Variants in INO80 observed in about 807,000 individuals in gnomAD.
The protein encoded by INO80 is INO80 complex ATPase subunit.
Under a neutral mutation model 203.4 loss-of-function variants are expected in INO80, and 20 were observed. The ratio of observed to expected loss-of-function variants is 0.10; its 90% CI spans 0.07 to 0.14. The LOEUF is 0.14. Ranked by LOEUF, INO80 falls within the 10% of genes least tolerant of loss-of-function variation. The pLI, the probability that INO80 is intolerant of heterozygous loss-of-function variation, is 1.00. For missense variants in INO80, 1,419 were observed against 1,914.4 expected (o/e 0.74, Z 4.83); for synonymous variants, 726 against 685.2 (o/e 1.06, Z -0.93).
Position 41,070,470 on chromosome 15 carries a change from A to T in INO80, c.1683T>A (p.Ala561=). The T allele has an allele frequency of 6.2e-7, 1 of 1,613,124 alleles. No homozygotes were observed. The highest frequency in any genetic ancestry group is 8.5e-7 in the Non-Finnish European group (1 of 1,179,096). Residue 561 remains alanine (A), a synonymous_variant, in exon 13 of 36, where the codon GCT becomes GCA. Coordinates refer to ENST00000648947, the MANE Select transcript of INO80 (RefSeq NM_017553.3). ...VQSIALLAHL[A]ERENIWGPFL... ...TAGAAAGATTGCATCTACCCACCTC[A>T]GCCAGATGGGCCAGAAGGGCAATGC...
At chr15:40,998,145 C>G (rs113224227) in intron 28 of INO80, among the ~76,000 whole-genome samples, 2,472 of 151,482 alleles carry the variant, frequency 0.016, 37 homozygotes, top group Middle Eastern at 0.031. Flanking sequence ...CCTCAGCCTC[C>G]CAAGTAGCTG....
rs1352601794 is a variant in INO80 at position 41,095,592 on chromosome 15, A to C, written c.381+9T>G. On this transcript the variant is annotated intron_variant, in intron 4 of 35. Transcript: ENST00000648947. ...ATCTGCACTGTAAACACCCTGCTTTATCTCTTACCTTTAGCCACTTTCTGC... is the reference window on the plus strand; with the variant it reads ...ATCTGCACTGTAAACACCCTGCTTTCTCTCTTACCTTTAGCCACTTTCTGC... 2 of 1,595,880 alleles carry C rather than the reference A, an allele frequency of 1.3e-6. No homozygotes were observed. Among genetic ancestry groups the C allele is most frequent in the Non-Finnish European group, 1.7e-6 (2 of 1,164,192 alleles).
Position 41,072,078 on chromosome 15 carries a change from AAAAT to A in INO80, c.1396-24_1396-21del. 1 of 1,465,894 alleles carries A rather than the reference AAAAT, an allele frequency of 6.8e-7. No individual in the cohort carries two copies. The highest frequency in any genetic ancestry group is 9.2e-7 in the Non-Finnish European group (1 of 1,084,482). The allele number at this position is 1,465,894 out of a possible 1,614,324, so 90.8% of individuals were successfully genotyped here. A position where few individuals can be genotyped will look rare whatever the true frequency, so the allele number is the denominator to read the frequency against. ...CCTTGTCTGGAAAGTAAAAAAAAAAAAAATTAGAAAAAAAAAAAAGAGGAAAAAT... is the reference window on the plus strand; with the variant it reads ...CCTTGTCTGGAAAGTAAAAAAAAAAATAGAAAAAAAAAAAAGAGGAAAAAT... On this transcript the variant is annotated intron_variant, in intron 11 of 35. Transcript: ENST00000648947.
chr15:40,998,794 C>T (rs1221384549), intron 28 of INO80, among the ~76,000 whole-genome samples: 2 of 151,942 alleles, frequency 1.3e-5, no homozygotes, highest in African/African-American at 4.8e-5. Context: ...GCTGGGATTA[C>T]GGGATTACAG....
In INO80 at chr15:40,987,990, C is replaced by CA; in HGVS notation, c.3571-17dup. The CA allele has an allele frequency of 6.3e-7, 1 of 1,599,108 alleles. No individual in the cohort carries two copies. Among genetic ancestry groups the CA allele is most frequent in the Non-Finnish European group, 8.5e-7 (1 of 1,171,712 alleles). ...AGAAAATCACCTGCATAGAATATAG[C>CA]AAAAACTGAAGCACTCTTAGGGAAG... On this transcript the variant is annotated splice_polypyrimidine_tract_variant and intron_variant, in intron 29 of 35. Transcript: ENST00000648947.
At chr15:41,063,755 T>TA (rs1442377140) in intron 14 of INO80, among the ~76,000 whole-genome samples, 1 of 151,868 alleles carries the variant, frequency 6.6e-6, no homozygotes, top group Non-Finnish European at 1.5e-5. Context: ...TGGCGACAGA[T>TA]AGACTCCGTC....
At chr15:41,061,764 T>G (rs1175361068) in intron 14 of INO80, among the ~76,000 whole-genome samples, 5 of 152,154 alleles carry the variant, frequency 3.3e-5, no homozygotes, top group Non-Finnish European at 5.9e-5. Flanking sequence ...TTTTTAGAAC[T>G]GAAAAATATA....
At chr15:41,046,951 T>TC (rs1460288267) in intron 23 of INO80, among the ~76,000 whole-genome samples, 1 of 151,396 alleles carries the variant, frequency 6.6e-6, no homozygotes, top group African/African-American at 2.4e-5. Flanking sequence ...TTTTTTTTTT[T>TC]CTTGAGACGG....
At chr15:41,109,537 C>G (rs926824853) in intron 1 of INO80, among the ~76,000 whole-genome samples, 10 of 152,100 alleles carry the variant, frequency 6.6e-5, no homozygotes, top group Admixed American at 5.9e-4. Context: ...GGCTGTAACC[C>G]CGGCACTTTG....
chr15:41,001,025 G>A (rs2043952841), intron 28 of INO80, among the ~76,000 whole-genome samples: 1 of 152,108 alleles, frequency 6.6e-6, no homozygotes, highest in African/African-American at 2.4e-5. Context: ...TATAATCAAA[G>A]AAATTAGTTC....
rs1275738603 is a variant in INO80, at chr15:41,081,029, A to G, written c.918T>C (p.Asn306=). The G allele has an allele frequency of 1.3e-6, 2 of 1,594,808 alleles. No individual in the cohort carries two copies. Among genetic ancestry groups the G allele is most frequent in the East Asian group, 2.2e-5 (1 of 44,780 alleles). ...KASARNLFLT[N]SRKLAHQCMK... ...AAAACTACAATTTTACCTTTCGGCTATTGGTGAGAAACAGGTTACGAGCTG... is the reference window on the plus strand; with the variant it reads ...AAAACTACAATTTTACCTTTCGGCTGTTGGTGAGAAACAGGTTACGAGCTG... Residue 306 remains asparagine, a synonymous_variant, in exon 8 of 36, where the codon AAT becomes AAC. Coordinates refer to ENST00000648947, the MANE Select transcript of INO80 (RefSeq NM_017553.3).
chr15:41,015,665 G>A lies in INO80; in HGVS notation c.3402+423C>T, dbSNP rs115829706. On this transcript the variant is annotated intron_variant, in intron 27 of 35. Coordinates refer to ENST00000648947, the MANE Select transcript of INO80 (RefSeq NM_017553.3). ...AAAGGAGTTTTGGGGGCTGCGTGTG[G>A]TGGCTCATGCCTGTAATCCCAACTC... Among the ~76,000 whole-genome samples the A allele has an allele frequency of 2.8e-3, 424 of 151,656 alleles. 1 individual carries two copies. The highest frequency in any genetic ancestry group is 9.9e-3 in the African/African-American group (408 of 41,338).
intron 27 of INO80, among the ~76,000 whole-genome samples, chr15:41,015,657 T>C (rs1360838677): frequency 3.3e-5 from 5 of 151,186 alleles, no homozygotes; most frequent in Non-Finnish European, 5.9e-5. Context: ...TTTTGGGGGC[T>C]GCGTGTGGTG....
intron 9 of INO80, among the ~76,000 whole-genome samples, chr15:41,074,843 C>T (rs1484941462): frequency 6.6e-6 from 1 of 152,144 alleles, no homozygotes; most frequent in Non-Finnish European, 1.5e-5. Context: ...CTCCCGGGTT[C>T]AAGCTAGTCT....
intron 8 of INO80, among the ~76,000 whole-genome samples, chr15:41,080,723 G>A (rs927815631): frequency 6.6e-6 from 1 of 152,064 alleles, no homozygotes; most frequent in African/African-American, 2.4e-5. Context: ...ATGATGGCAG[G>A]TGCCTATAAT....
At chr15:41,094,516 T>C (rs890268214) in intron 4 of INO80, among the ~76,000 whole-genome samples, 1 of 152,184 alleles carries the variant, frequency 6.6e-6, no homozygotes, top group Admixed American at 6.6e-5. Flanking sequence ...TCCTTTAGAA[T>C]GTAAGCACCA....
chr15:41,035,821 CAAAAAAAAAAA>C lies in INO80; in HGVS notation c.2908-8096_2908-8086del, dbSNP rs71104768. ...TGGGGGACAGAGTGAGACTCTGTCT[CAAAAAAAAAAA>C]AAAAAAAAAAAAAAAGTCTGGCGCC... On this transcript the variant is annotated intron_variant, in intron 24 of 35. Transcript: ENST00000648947. 3.5e-4 allele frequency among the ~76,000 whole-genome samples: 7 copies of C among 20,152 alleles called. No homozygotes were observed. The South Asian group carries it at 0.02, about 56-fold the overall frequency. 13.2% of individuals were successfully genotyped at this position (20,152 alleles called of 152,430 possible).
Position 41,042,160 on chromosome 15 carries a change from G to A in INO80, c.2907+2744C>T, listed in dbSNP as rs144107803. 2.0e-4 allele frequency among the ~76,000 whole-genome samples: 31 copies of A among 151,806 alleles called. No homozygotes were observed. The East Asian group carries it at 5.8e-3, about 29-fold the overall frequency. On this transcript the variant is annotated intron_variant, in intron 24 of 35. Coordinates refer to ENST00000648947, the MANE Select transcript of INO80 (RefSeq NM_017553.3). ...CCTGAGTAGCTGAGATTACAGGTAT[G>A]TGCCACCACACCCGGCTAATTGTTT...
At chr15:41,024,662 A>C (rs2044349799) in intron 25 of INO80, 1 of 152,232 alleles carries the variant, frequency 6.6e-6, no homozygotes, top group Admixed American at 6.5e-5. Flanking sequence ...TAAGGCCTTA[A>C]TTTATTAACC....
Sources: gnomAD v4.1 joint callset for allele counts (sites outside exome capture counted in the v4.1 genomes callset) on GRCh38, gnomAD v4.1.1 for gene constraint, MANE v1.5 for transcripts, NCBI Gene and HGNC (gene_info 2026-07-23, HGNC 2026-07-21) for gene names.